Variants in SLC17A1 observed in about 807,000 individuals in gnomAD.
SLC17A1 encodes the protein solute carrier family 17 member 1.
In SLC17A1, 51 loss-of-function variants were observed where a neutral mutation model predicts 53.5. The ratio of observed to expected loss-of-function variants is 0.95; its 90% CI spans 0.76 to 1.20. The LOEUF is 1.20. SLC17A1 is among the 50% of genes most tolerant of loss of function. SLC17A1 has a pLI of 0.00. For missense variants in SLC17A1, 538 were observed against 568.2 expected (o/e 0.95, Z 0.54); for synonymous variants, 179 against 198.8 (o/e 0.90, Z 0.84).
intron 12 of SLC17A1, among the ~76,000 whole-genome samples, chr6:25,788,589 C>T (rs972352357): frequency 9.2e-5 from 14 of 152,234 alleles, no homozygotes; most frequent in South Asian, 8.3e-4. Context: ...GTGACAGCCT[C>T]GCCCACTGAA....
intron 6 of SLC17A1, among the ~76,000 whole-genome samples, chr6:25,817,084 G>C (rs1302465826): frequency 6.6e-6 from 1 of 151,586 alleles, no homozygotes; most frequent in African/African-American, 2.4e-5. Flanking sequence ...CCTGACTTTA[G>C]GTTATCCACC....
intron 12 of SLC17A1, among the ~76,000 whole-genome samples, chr6:25,793,145 T>C (rs771781822): frequency 2.0e-5 from 3 of 152,198 alleles, no homozygotes; most frequent in Non-Finnish European, 4.4e-5. Flanking sequence ...TGAACCACCC[T>C]GCCCTTCATT....
the SLC17A1 span, chr6:25,754,767 C>T: frequency 6.6e-6 from 1 of 152,192 alleles, no homozygotes; most frequent in Admixed American, 6.5e-5. Context: ...GGATCCTGCA[C>T]TCTTCCTCCC....
At chr6:25,762,450 T>C in the SLC17A1 span, among the ~76,000 whole-genome samples, 4 of 152,164 alleles carry the variant, frequency 2.6e-5, no homozygotes, top group Non-Finnish European at 4.4e-5. Flanking sequence ...GCTTCTACCA[T>C]GTCATAGAAG....
At chr6:25,817,594 C>A (rs1764403446) in intron 6 of SLC17A1, among the ~76,000 whole-genome samples, 1 of 152,180 alleles carries the variant, frequency 6.6e-6, no homozygotes, top group African/African-American at 2.4e-5. Flanking sequence ...GCATACATTG[C>A]TGTACATGAT....
chr6:25,772,337 C>T, the SLC17A1 span, among the ~76,000 whole-genome samples: 1 of 152,156 alleles, frequency 6.6e-6, no homozygotes, highest in Non-Finnish European at 1.5e-5. Context: ...ATCTATCCCT[C>T]CGCACTTGAT....
chr6:25,768,138 G>A, the SLC17A1 span, among the ~76,000 whole-genome samples: 1 of 152,202 alleles, frequency 6.6e-6, no homozygotes, highest in South Asian at 2.1e-4. Context: ...CATGGGTGGT[G>A]CATTGGCTGG....
chr6:25,807,775 G>C (rs138507477), intron 10 of SLC17A1, among the ~76,000 whole-genome samples: 1 of 152,074 alleles, frequency 6.6e-6, no homozygotes, highest in East Asian at 1.9e-4. Context: ...CTTCATCCAG[G>C]TTACTGTGAA....
downstream of SLC17A1, chr6:25,779,077 T>C (rs1763169040): frequency 1.2e-6 from 2 of 1,613,774 alleles, no homozygotes; most frequent in Non-Finnish European, 8.5e-7. Context: ...GTTGGAGAAA[T>C]GTCTTCTTGC....
At chr6:25,769,810 G>T in the SLC17A1 span, among the ~76,000 whole-genome samples, 1 of 151,486 alleles carries the variant, frequency 6.6e-6, no homozygotes, top group African/African-American at 2.4e-5. Flanking sequence ...TGCTTATGAT[G>T]CTTTCTTCTT....
At chr6:25,738,840 A>G in the SLC17A1 span, among the ~76,000 whole-genome samples, 1 of 152,200 alleles carries the variant, frequency 6.6e-6, no homozygotes, top group Admixed American at 6.5e-5. Context: ...ATGAGGTATC[A>G]CTACACACTT....
chr6:25,726,227 C>A, the SLC17A1 span: 1 of 1,612,748 alleles, frequency 6.2e-7, no homozygotes, highest in African/African-American at 1.3e-5. Flanking sequence ...GCAATGGTCA[C>A]GCCGCCCAAA....
At chr6:25,754,203 G>A in the SLC17A1 span, among the ~76,000 whole-genome samples, 1 of 152,112 alleles carries the variant, frequency 6.6e-6, no homozygotes, top group Non-Finnish European at 1.5e-5. Context: ...ATATGTATGA[G>A]TCTTCTGAAA....
chr6:25,768,196 A>G, the SLC17A1 span: 1 of 176,850 alleles, frequency 5.7e-6, no homozygotes. Flanking sequence ...CAAAGGTAAG[A>G]GCTAGAACTT....
At chr6:25,740,911 A>T in the SLC17A1 span, among the ~76,000 whole-genome samples, 103 of 152,302 alleles carry the variant, frequency 6.8e-4, no homozygotes, top group Non-Finnish European at 1.2e-3. Flanking sequence ...GTGAAATAAG[A>T]CAGGCATAGA....
At chr6:25,805,854 A>G (rs1763935013) in intron 10 of SLC17A1, among the ~76,000 whole-genome samples, 1 of 152,018 alleles carries the variant, frequency 6.6e-6, no homozygotes, top group Admixed American at 6.6e-5. Flanking sequence ...AATAACAAGC[A>G]GTGAGATTAA....
At position 25,817,177 on chromosome 6, in the gene SLC17A1, G is replaced by A. The variant is rs1255022116; in HGVS notation, c.616+1891C>T. Among the ~76,000 whole-genome samples, 4 of 152,100 alleles carry A rather than the reference G, an allele frequency of 2.6e-5. No individual in the cohort carries two copies. The East Asian group carries it at 7.7e-4, about 29-fold the overall frequency. The stretch of plus-strand genomic sequence containing the variant: ...CAGGCCATTTTAAGTGCAAATGTAA[G>A]TCTGTGACTCAATTTACTCTACTTG... On this transcript the variant is annotated intron_variant, in intron 6 of 12. Transcript: ENST00000244527.
At chr6:25,827,888 T>C (rs541269192) in intron 2 of SLC17A1, among the ~76,000 whole-genome samples, 43 of 152,084 alleles carry the variant, frequency 2.8e-4, no homozygotes, top group Non-Finnish European at 5.1e-4. Context: ...GTGCAAAACA[T>C]ATTCACCCAT....
chr6:25,734,795 T>C, the SLC17A1 span, among the ~76,000 whole-genome samples: 8 of 152,260 alleles, frequency 5.3e-5, no homozygotes, highest in African/African-American at 1.7e-4. Flanking sequence ...GGAATACTAG[T>C]AGTTGTTGTT....
Sources: gnomAD v4.1 joint callset for allele counts (sites outside exome capture counted in the v4.1 genomes callset) on GRCh38, gnomAD v4.1.1 for gene constraint, MANE v1.5 for transcripts, NCBI Gene and HGNC (gene_info 2026-07-23, HGNC 2026-07-21) for gene names.